The following FLI1 variants were observed in gnomAD, a reference collection of about 807,000 sequenced individuals.
FLI1 encodes the protein Fli-1 proto-oncogene, ETS transcription factor, also known as Friend leukemia integration 1 transcription factor.
A neutral mutation model predicts 53.1 loss-of-function variants in FLI1; 13 were observed. The observed-to-expected ratio is 0.24, with a 90% CI of 0.16 to 0.39. The LOEUF is 0.39. FLI1 is among the 10% of genes least tolerant of loss of function. The pLI is 1.00. For missense variants in FLI1, 424 were observed against 600.5 expected (o/e 0.71, Z 3.07); for synonymous variants, 244 against 236.7 (o/e 1.03, Z -0.28).
chr11:128,783,966 G>A (rs1388523159), intron 5 of FLI1, among the ~76,000 whole-genome samples: 1 of 151,812 alleles, frequency 6.6e-6, no homozygotes, highest in African/African-American at 2.4e-5. Flanking sequence ...GATAGGGAGG[G>A]AGAAAAGCAA....
chr11:128,685,377 G>C (rs1301552943), upstream of FLI1, among the ~76,000 whole-genome samples: 1 of 152,236 alleles, frequency 6.6e-6, no homozygotes, highest in African/African-American at 2.4e-5. Flanking sequence ...CCTAAGGTGA[G>C]TGCCCACTTG....
chr11:128,802,306 A>C (rs1166462835), intron 5 of FLI1, among the ~76,000 whole-genome samples: 6 of 152,208 alleles, frequency 3.9e-5, no homozygotes, highest in Non-Finnish European at 8.8e-5. Flanking sequence ...CGAGCCCCAG[A>C]GCCTACGGAG....
At chr11:128,686,168 C>T, upstream of FLI1, 1 of 359,936 alleles carries the variant, frequency 2.8e-6, no homozygotes, top group Non-Finnish European at 5.5e-6. Context: ...CACTGAGGGG[C>T]GAGTGTTGGC....
chr11:128,807,298 T>A, intron 7 of FLI1, 59 bp downstream of exon 7: 3 of 1,209,774 alleles, frequency 2.5e-6, no homozygotes, highest in Non-Finnish European at 3.5e-6. Context: ...TGATTTCACA[T>A]GGTCAACTGA....
rs568894345 is a variant in FLI1, at chr11:128,768,354, A to G, written c.385+82A>G. On this transcript the variant is annotated intron_variant, in intron 3 of 8. Transcript: ENST00000527786. ...CAGGGAGCATCTAAACCTTTATCTG[A>G]TACTCTATTCCCTGTGGAATTGCAA... 2.9e-5 allele frequency: 45 copies of G among 1,536,206 alleles called. No homozygotes were observed. The African/African-American group carries it at 5.6e-4, about 19-fold the overall frequency.
rs11823868 is a variant in FLI1 at position 128,762,097 on chromosome 11, A to G, written c.230+3771A>G. On this transcript the variant is annotated intron_variant, in intron 2 of 8. Coordinates refer to ENST00000527786, the MANE Select transcript of FLI1 (RefSeq NM_002017.5). Reference sequence around the variant, plus strand: ...GAGTTTTAGAAAAATGTCATTGCTTACAGTGGAACCATGTCAGACCCTATC... The same window carrying G: ...GAGTTTTAGAAAAATGTCATTGCTTGCAGTGGAACCATGTCAGACCCTATC... Among the ~76,000 whole-genome samples the G allele has an allele frequency of 2.2e-3, 330 of 152,334 alleles. 2 individuals are homozygous for G. The highest frequency in any genetic ancestry group is 6.8e-3 in the African/African-American group (284 of 41,562).
chr11:128,799,051 TA>T (rs1386397844), intron 5 of FLI1, among the ~76,000 whole-genome samples: 17 of 142,572 alleles, frequency 1.2e-4, no homozygotes, highest in African/African-American at 3.4e-4. Context: ...TTATTATTAT[TA>T]TTTTGCTTTG....
intron 1 of FLI1, among the ~76,000 whole-genome samples, chr11:128,726,277 A>C (rs1939472764): frequency 6.6e-6 from 1 of 151,692 alleles, no homozygotes; most frequent in African/African-American, 2.4e-5. Context: ...TCCCGATTAC[A>C]CATTAAGACG....
rs1942942450 is a variant in FLI1 at position 128,811,756 on chromosome 11, A to G, written c.*768A>G. Reference sequence around the variant, plus strand: ...TTGGAAAAGTTGTAGGGATTTCTAAACTCAAGCAGATTCGCAAGTGCTGTG... The same window carrying G: ...TTGGAAAAGTTGTAGGGATTTCTAAGCTCAAGCAGATTCGCAAGTGCTGTG... On this transcript the variant is annotated 3_prime_UTR_variant, in exon 9 of 9. Coordinates refer to ENST00000527786, the MANE Select transcript of FLI1 (RefSeq NM_002017.5). 1 of 204,318 alleles carries G rather than the reference A, an allele frequency of 4.9e-6. No individual in the cohort carries two copies. Among genetic ancestry groups the G allele is most frequent in the Non-Finnish European group, 1.0e-5 (1 of 99,640 alleles). 12.7% of individuals were successfully genotyped at this position (204,318 alleles called of 1,614,324 possible). A position where few individuals can be genotyped will look rare whatever the true frequency, so the allele number is the denominator to read the frequency against.
intron 5 of FLI1, among the ~76,000 whole-genome samples, chr11:128,792,784 T>C (rs1043101713): frequency 1.3e-5 from 2 of 152,224 alleles, no homozygotes; most frequent in African/African-American, 4.8e-5. Flanking sequence ...AAGTATTATA[T>C]TGAGTAACAC....
intron 3 of FLI1, among the ~76,000 whole-genome samples, chr11:128,768,780 G>C (rs1020497736): frequency 2.0e-5 from 3 of 151,704 alleles, no homozygotes; most frequent in African/African-American, 4.8e-5. Flanking sequence ...TGATGTGTGG[G>C]TGCTAGAAGC....
intron 1 of FLI1, among the ~76,000 whole-genome samples, chr11:128,715,073 G>T (rs976757319): frequency 5.9e-5 from 9 of 152,174 alleles, no homozygotes; most frequent in Middle Eastern, 3.4e-3. Flanking sequence ...TGACTCGCAC[G>T]CACCCAGTGA....
At chr11:128,795,535 G>A (rs543571013) in intron 5 of FLI1, among the ~76,000 whole-genome samples, 23 of 151,248 alleles carry the variant, frequency 1.5e-4, no homozygotes, top group African/African-American at 5.3e-4. Flanking sequence ...GAGTTCTGTA[G>A]GATGCGTTAG....
intron 1 of FLI1, among the ~76,000 whole-genome samples, chr11:128,736,097 C>A (rs1404234341): frequency 6.6e-6 from 1 of 152,126 alleles, no homozygotes; most frequent in Non-Finnish European, 1.5e-5. Context: ...CTTGTGTAAA[C>A]CCCTCACACC....
At chr11:128,733,317 G>A (rs998406090) in intron 1 of FLI1, among the ~76,000 whole-genome samples, 2 of 152,092 alleles carry the variant, frequency 1.3e-5, no homozygotes, top group Non-Finnish European at 2.9e-5. Context: ...ATGGTCCCGG[G>A]AATCTTCATT....
At chr11:128,805,758 A>C in intron 6 of FLI1, 1 of 247,204 alleles carries the variant, frequency 4.0e-6, no homozygotes, top group Non-Finnish European at 7.7e-6. Context: ...CAAGATAATG[A>C]CTCTCTATAA....
At chr11:128,801,932 T>A (rs1045836531) in intron 5 of FLI1, among the ~76,000 whole-genome samples, 4 of 152,156 alleles carry the variant, frequency 2.6e-5, no homozygotes, top group African/African-American at 9.7e-5. Context: ...GATTAAATTA[T>A]GTGATAAGTG....
chr11:128,764,891 G>T (rs2135824308), intron 2 of FLI1: 1 of 1,507,816 alleles, frequency 6.6e-7, no homozygotes, highest in East Asian at 2.4e-5. Flanking sequence ...GGGGAACCAG[G>T]ATGGTGCCAG....
At chr11:128,758,978 G>A (rs945768081) in intron 2 of FLI1, among the ~76,000 whole-genome samples, 6 of 152,342 alleles carry the variant, frequency 3.9e-5, no homozygotes, top group African/African-American at 1.2e-4. Flanking sequence ...TGCCCCTTGG[G>A]CAAGTCATCG....
Sources: allele counts gnomAD v4.1 joint callset (sites outside exome capture counted in the v4.1 genomes callset), GRCh38; gene constraint gnomAD v4.1.1; transcripts MANE v1.5; gene names NCBI Gene and HGNC (gene_info 2026-07-23, HGNC 2026-07-21).